The following GNAQ variants were observed in gnomAD, a reference collection of about 807,000 sequenced individuals.
The protein encoded by GNAQ is guanine nucleotide-binding protein G(q) subunit alpha.
Under a neutral mutation model 43.9 loss-of-function variants are expected in GNAQ, and 8 were observed. The observed-to-expected ratio is 0.18, with a 90% CI of 0.11 to 0.33. The LOEUF (loss-of-function observed/expected upper bound fraction) is 0.33. Among genes scored for constraint, GNAQ ranks in the 10% least tolerant of loss-of-function variants. The pLI is 1.00. For synonymous variants in GNAQ, 155 were observed against 170.7 expected, an observed-to-expected ratio of 0.91 and a Z score of 0.71; for missense variants, 158 against 450.8, an observed-to-expected ratio of 0.35 and a Z score of 5.88.
chr9:77,869,122 T>C (rs1203145778), intron 2 of GNAQ, among the ~76,000 whole-genome samples: 1 of 152,246 alleles, frequency 6.6e-6, no homozygotes, highest in Non-Finnish European at 1.5e-5. Context: ...TATTTATTTA[T>C]ATAAAATTTT....
chr9:77,861,581 G>A (rs1000930267), intron 2 of GNAQ, among the ~76,000 whole-genome samples: 2 of 152,152 alleles, frequency 1.3e-5, no homozygotes, highest in Non-Finnish European at 2.9e-5. Flanking sequence ...CATTCCAAAT[G>A]GGAGAAATTG....
chr9:77,850,718 T>C (rs1016849990), intron 2 of GNAQ, among the ~76,000 whole-genome samples: 1 of 152,232 alleles, frequency 6.6e-6, no homozygotes, highest in Non-Finnish European at 1.5e-5. Flanking sequence ...CCCATCCAGA[T>C]GTCCACACTT....
intron 2 of GNAQ, among the ~76,000 whole-genome samples, chr9:77,900,802 C>G (rs1451099778): frequency 5.3e-5 from 8 of 152,204 alleles, no homozygotes; most frequent in African/African-American, 1.9e-4. Context: ...ACAAAATTGA[C>G]TAGCACTGTC....
rs868148371 is a variant in GNAQ, at chr9:77,838,368, C to T, written c.322-22598G>A. Among the ~76,000 whole-genome samples, 8 of 151,916 alleles carry T rather than the reference C, an allele frequency of 5.3e-5. No homozygotes were observed. The Middle Eastern group carries it at 0.014, about 258-fold the overall frequency. On this transcript the variant is annotated intron_variant, in intron 2 of 6. Transcript: ENST00000286548. ...ACGTTGGTCAGGCTGGTCTCGAACT[C>T]CCGACCTCAGGTGATCCGCCCACCT...
chr9:77,901,215 A>C (rs1342884688), intron 2 of GNAQ, among the ~76,000 whole-genome samples: 1 of 152,100 alleles, frequency 6.6e-6, no homozygotes, highest in Non-Finnish European at 1.5e-5. Context: ...CCAAAAACAC[A>C]AACTCCTATC....
chr9:77,852,079 T>A (rs907131838), intron 2 of GNAQ, among the ~76,000 whole-genome samples: 1 of 152,112 alleles, frequency 6.6e-6, no homozygotes, highest in African/African-American at 2.4e-5. Flanking sequence ...AATCAGGAGT[T>A]CACACTTGAT....
chr9:78,028,410 T>C (rs978883927), intron 1 of GNAQ, among the ~76,000 whole-genome samples: 10 of 152,182 alleles, frequency 6.6e-5, no homozygotes, highest in Admixed American at 3.3e-4. Context: ...CATACTTTCA[T>C]CTAGTCAGGT....
chr9:77,847,129 G>A (rs1205790483), intron 2 of GNAQ, among the ~76,000 whole-genome samples: 3 of 152,160 alleles, frequency 2.0e-5, no homozygotes, highest in Non-Finnish European at 4.4e-5. Flanking sequence ...AAAAAACTCC[G>A]ACAGCCAGAA....
chr9:77,783,776 T>C (rs927418364), intron 5 of GNAQ, among the ~76,000 whole-genome samples: 2 of 152,200 alleles, frequency 1.3e-5, no homozygotes, highest in East Asian at 3.9e-4. Context: ...AGAATTATTT[T>C]TGAGCCAGAT....
chr9:77,882,638 A>G (rs1279694240), intron 2 of GNAQ, among the ~76,000 whole-genome samples: 1 of 152,192 alleles, frequency 6.6e-6, no homozygotes, highest in Non-Finnish European at 1.5e-5. Flanking sequence ...GGTATTCACC[A>G]CGAGGTTCAT....
At chr9:77,885,584 A>G (rs77608638) in intron 2 of GNAQ, among the ~76,000 whole-genome samples, 1 of 152,142 alleles carries the variant, frequency 6.6e-6, no homozygotes, top group African/African-American at 2.4e-5. Context: ...AGCATTCTAC[A>G]TTTACAGCCC....
intron 2 of GNAQ, among the ~76,000 whole-genome samples, chr9:77,895,415 G>A (rs1373137614): frequency 6.6e-6 from 1 of 152,154 alleles, no homozygotes; most frequent in Non-Finnish European, 1.5e-5. Context: ...TCCAGTCTTG[G>A]TGAGGGGAAT....
In GNAQ at chr9:78,031,742, G is replaced by T. The variant is rs1332990515; in HGVS notation, c.-507C>A. Among the ~76,000 whole-genome samples the T allele has an allele frequency of 1.4e-5, 2 of 147,730 alleles. No homozygotes were observed. Among genetic ancestry groups the T allele is most frequent in the Non-Finnish European group, 3.0e-5 (2 of 66,410 alleles). ...CGCCGCCGCCTGACACGGCTCCCGG[G>T]CGCCCTCGGCCCTGTCCGCGCCCAC... On this transcript the variant is annotated 5_prime_UTR_variant, in exon 1 of 7. Coordinates refer to ENST00000286548, the MANE Select transcript of GNAQ (RefSeq NM_002072.5).
intron 2 of GNAQ, among the ~76,000 whole-genome samples, chr9:77,816,641 T>C (rs1004767156): frequency 6.6e-6 from 1 of 152,106 alleles, no homozygotes. Flanking sequence ...AAAGTATATA[T>C]ACATAAATAT....
chr9:77,973,117 G>T (rs1036973820), intron 1 of GNAQ, among the ~76,000 whole-genome samples: 1 of 151,868 alleles, frequency 6.6e-6, no homozygotes, highest in Non-Finnish European at 1.5e-5. Flanking sequence ...AAACCAATGG[G>T]GTTTTTTTAG....
intron 2 of GNAQ, among the ~76,000 whole-genome samples, chr9:77,889,588 T>TGTTGATCCACA (rs891501140): frequency 6.6e-6 from 1 of 152,144 alleles, no homozygotes; most frequent in African/African-American, 2.4e-5. Context: ...ATTGGACACA[T>TGTTGATCCACA]GTTGATCCTT....
intron 1 of GNAQ, among the ~76,000 whole-genome samples, chr9:77,988,241 T>C (rs114980722): frequency 1.1e-3 from 165 of 152,298 alleles, no homozygotes; most frequent in African/African-American, 3.7e-3. Flanking sequence ...CTCAGAGAGA[T>C]AGAAGGTTCT....
At chr9:77,749,742 A>C (rs1205101160) in intron 5 of GNAQ, among the ~76,000 whole-genome samples, 3 of 152,162 alleles carry the variant, frequency 2.0e-5, no homozygotes, top group Non-Finnish European at 4.4e-5. Flanking sequence ...ACAGAAACAC[A>C]GACATATAAA....
rs148642800 is a variant in GNAQ, at chr9:77,772,862, T to C, written c.735+21601A>G. Among the ~76,000 whole-genome samples, 1,204 of 152,296 alleles carry C rather than the reference T, an allele frequency of 7.9e-3. 22 individuals are homozygous for C. The highest frequency in any genetic ancestry group is 0.028 in the African/African-American group (1,147 of 41,558). On this transcript the variant is annotated intron_variant, in intron 5 of 6. Coordinates refer to ENST00000286548, the MANE Select transcript of GNAQ (RefSeq NM_002072.5). ...CACAATGGAAGAGAAGGAACTGTCT[T>C]GGGCCACATGTAAAATACGCTAATG...
Sources: allele counts gnomAD v4.1 joint callset (sites outside exome capture counted in the v4.1 genomes callset), GRCh38; gene constraint gnomAD v4.1.1; transcripts MANE v1.5; gene names NCBI Gene and HGNC (gene_info 2026-07-23, HGNC 2026-07-21).